CCDC146: variants seen among roughly 807,000 people sequenced by gnomAD.
The protein encoded by CCDC146 is coiled-coil domain-containing protein 146.
CCDC146 carries 92 observed loss-of-function variants against 119.3 expected under a neutral mutation model. That is an observed-to-expected ratio of 0.77 (90% CI 0.65 to 0.92). The LOEUF (loss-of-function observed/expected upper bound fraction) is 0.92, where lower values mean the gene tolerates loss of function less well. CCDC146 is among the 40% of genes least tolerant of loss of function. The pLI is 0.00. For synonymous variants in CCDC146, 372 were observed against 371.8 expected (o/e 1.00, Z -0.01); for missense variants, 1,000 against 1,103.0 (o/e 0.91, Z 1.32).
At chr7:77,172,298 T>C (rs1428800526) in intron 2 of CCDC146, among the ~76,000 whole-genome samples, 2 of 152,268 alleles carry the variant, frequency 1.3e-5, no homozygotes, top group African/African-American at 2.4e-5. Flanking sequence ...ACCTACTTTA[T>C]ATTCCTTCAG....
At chr7:77,152,655 A>G (rs1442214527) in intron 1 of CCDC146, among the ~76,000 whole-genome samples, 5 of 152,158 alleles carry the variant, frequency 3.3e-5, no homozygotes, top group Non-Finnish European at 7.3e-5. Flanking sequence ...GTGAGAACTG[A>G]AGATAAGGTC....
intron 15 of CCDC146, among the ~76,000 whole-genome samples, chr7:77,283,524 G>A (rs558577858): frequency 7.9e-5 from 12 of 151,900 alleles, no homozygotes; most frequent in South Asian, 4.2e-4. Flanking sequence ...TCAGGTTTGC[G>A]TTTGGATTTT....
intron 3 of CCDC146, among the ~76,000 whole-genome samples, chr7:77,237,603 C>T (rs1792762139): frequency 6.6e-6 from 1 of 152,204 alleles, no homozygotes; most frequent in Non-Finnish European, 1.5e-5. Flanking sequence ...GTCTGTTCAT[C>T]ACTCAGAGGT....
rs758544136 is a variant in CCDC146, at chr7:77,287,503, G to T, written c.2341G>T (p.Val781Phe). 2 of 1,614,052 alleles carry T rather than the reference G, an allele frequency of 1.2e-6. No individual in the cohort carries two copies. Among genetic ancestry groups the T allele is most frequent in the Admixed American group, 3.3e-5 (2 of 60,018 alleles). ...LLEKDFIYEQ[V>F]SRLTDRLCSK... is the part of the protein sequence containing the mutation. ...GGAGAAGGATTTCATCTATGAGCAG[G>T]TCTCCAGGCTCACAGACAGGCTCTG... Residue 781 changes from valine (V) to phenylalanine (F), a missense_variant, in exon 17 of 19, where the codon GTC (valine) becomes TTC (phenylalanine). By Grantham distance (50) the Val-to-Phe change is conservative. Around this residue, in one of 2 missense-constraint regions of CCDC146, gnomAD observed 985 missense variants for 1,045.3 expected, o/e 0.94. Coordinates refer to ENST00000285871, the MANE Select transcript of CCDC146 (RefSeq NM_020879.3).
chr7:77,138,103 A>C (rs1261107427), intron 1 of CCDC146, among the ~76,000 whole-genome samples: 1 of 151,852 alleles, frequency 6.6e-6, no homozygotes, highest in Non-Finnish European at 1.5e-5. Flanking sequence ...AGGAAGCTAT[A>C]AAGCTATAGT....
chr7:77,147,690 G>T (rs1418724750), intron 1 of CCDC146, among the ~76,000 whole-genome samples: 1 of 152,206 alleles, frequency 6.6e-6, no homozygotes, highest in African/African-American at 2.4e-5. Context: ...GACACTGTTT[G>T]CCTGGGTATC....
rs181238826 is a variant in CCDC146, at chr7:77,149,888, C to A, written c.-11-17770C>A. Among the ~76,000 whole-genome samples, 603 of 150,934 alleles carry A rather than the reference C, an allele frequency of 4.0e-3. 2 individuals carry two copies. The highest frequency in any genetic ancestry group is 0.014 in the African/African-American group (563 of 41,130). On this transcript the variant is annotated intron_variant, in intron 1 of 18. Coordinates refer to ENST00000285871, the MANE Select transcript of CCDC146 (RefSeq NM_020879.3). ...ATACATATGGAACAGAATAGAGTACCAAAATAGACCTACATATATTTGGTC... is the reference window on the plus strand; with the variant it reads ...ATACATATGGAACAGAATAGAGTACAAAAATAGACCTACATATATTTGGTC...
Position 77,293,173 on chromosome 7 carries a change from C to T in CCDC146, c.2637C>T (p.His879=), listed in dbSNP as rs17151219. ...WLKVLRDEEM[H]ALAIAEKSQE... is the part of the protein sequence containing the mutation. The stretch of plus-strand genomic sequence containing the variant: ...AAGTCCTTCGAGATGAAGAAATGCA[C>T]GCCTTGGCCATCGCTGAAAAGTCTC... Residue 879 remains histidine (H), a synonymous_variant, in exon 18 of 19, where the codon CAC becomes CAT. Coordinates refer to ENST00000285871, the MANE Select transcript of CCDC146 (RefSeq NM_020879.3). 0.19 allele frequency: 313,743 copies of T among 1,613,504 alleles called. 32,795 individuals carry two copies. The highest frequency in any genetic ancestry group is 0.37 in the African/African-American group (27,354 of 74,914).
rs746437114 is a variant in CCDC146, at chr7:77,294,862, T to C, written c.2864T>C (p.Ile955Thr). Reference sequence around the variant, plus strand: ...AAACCTGTTATAAAGCCAGTTGAAATCTGAATATGTGAACAAATCCAGGCC... The same window carrying C: ...AAACCTGTTATAAAGCCAGTTGAAACCTGAATATGTGAACAAATCCAGGCC... ...IRKPVIKPVE[I>T] Residue 955 changes from isoleucine (I) to threonine (T), a missense_variant, in exon 19 of 19, where the codon ATC becomes ACC. Ile to Thr is a moderately conservative substitution (Grantham distance 89, BLOSUM62 -1). Coordinates refer to ENST00000285871, the MANE Select transcript of CCDC146 (RefSeq NM_020879.3). 1.9e-6 allele frequency: 3 copies of C among 1,613,152 alleles called. No homozygotes were observed. The East Asian group carries it at 6.7e-5, about 36-fold the overall frequency.
chr7:77,272,393 T>C (rs1270077538), intron 9 of CCDC146, among the ~76,000 whole-genome samples: 3 of 152,186 alleles, frequency 2.0e-5, no homozygotes, highest in African/African-American at 2.4e-5. Flanking sequence ...TCATGGATGA[T>C]GGGGCATCCA....
chr7:77,283,459 C>T (rs1383845148), intron 15 of CCDC146, among the ~76,000 whole-genome samples: 3 of 151,998 alleles, frequency 2.0e-5, no homozygotes, highest in Non-Finnish European at 4.4e-5. Context: ...AAACTTGTTC[C>T]CATTGACCAA....
At chr7:77,132,401 C>G (rs910035060) in intron 1 of CCDC146, among the ~76,000 whole-genome samples, 3 of 151,624 alleles carry the variant, frequency 2.0e-5, no homozygotes, top group Non-Finnish European at 4.4e-5. Flanking sequence ...CTCTCGAATG[C>G]AAGATTAATT....
At chr7:77,177,888 A>G (rs572123697) in intron 2 of CCDC146, among the ~76,000 whole-genome samples, 5 of 152,328 alleles carry the variant, frequency 3.3e-5, no homozygotes, top group African/African-American at 9.6e-5. Context: ...AGTTTATTGA[A>G]CAGTACAGAT....
chr7:77,217,345 CACACATATGTATATA>C (rs1178255050), intron 2 of CCDC146, among the ~76,000 whole-genome samples: 2 of 151,724 alleles, frequency 1.3e-5, no homozygotes, highest in Non-Finnish European at 2.9e-5. Flanking sequence ...CACACACACA[CACACATATGTATATA>C]TATGTGTGTA....
chr7:77,236,092 A>AATAAATAAATAAATAT (rs1792731260), intron 2 of CCDC146, among the ~76,000 whole-genome samples: 1 of 151,686 alleles, frequency 6.6e-6, no homozygotes, highest in Non-Finnish European at 1.5e-5. Context: ...TAAATAAATA[A>AATAAATAAATAAATAT]ATGTAAGAAC....
intron 1 of CCDC146, among the ~76,000 whole-genome samples, chr7:77,142,338 A>C (rs1403650540): frequency 6.6e-6 from 1 of 150,418 alleles, no homozygotes; most frequent in African/African-American, 2.4e-5. Flanking sequence ...TTATTTATTT[A>C]TTTATATTAT....
At chr7:77,159,796 T>A (rs1791231509) in intron 1 of CCDC146, among the ~76,000 whole-genome samples, 1 of 152,194 alleles carries the variant, frequency 6.6e-6, no homozygotes, top group Non-Finnish European at 1.5e-5. Flanking sequence ...ACAATTACTA[T>A]CTTTTGTTGC....
Position 77,294,805 on chromosome 7 carries a change from G to A in CCDC146, c.2807G>A (p.Ser936Asn). ...PYGALAPFKPSEPGANMRHIR... is the reference protein window; with the variant it reads ...PYGALAPFKPNEPGANMRHIR... ...GGTGCTTTGGCTCCTTTTAAACCCA[G>A]TGAACCTGGAGCCAATATGAGGCAC... Residue 936 changes from serine to asparagine, a missense_variant, in exon 19 of 19, where the codon AGT (serine) becomes AAT (asparagine). Coordinates refer to ENST00000285871, the MANE Select transcript of CCDC146 (RefSeq NM_020879.3). 1 of 1,614,102 alleles carries A rather than the reference G, an allele frequency of 6.2e-7. No homozygotes were observed. Among genetic ancestry groups the A allele is most frequent in the Non-Finnish European group, 8.5e-7 (1 of 1,180,026 alleles).
At chr7:77,233,237 CG>C (rs766868062) in intron 2 of CCDC146, among the ~76,000 whole-genome samples, 5 of 151,986 alleles carry the variant, frequency 3.3e-5, no homozygotes, top group Admixed American at 6.6e-5. Context: ...TACAGGCATG[CG>C]CCACCATGCC....
Sources: gnomAD v4.1 joint callset for allele counts (sites outside exome capture counted in the v4.1 genomes callset) on GRCh38, gnomAD v4.1.1 for gene constraint, gnomAD v4.1.1 regional missense constraint, MANE v1.5 for transcripts, NCBI Gene and HGNC (gene_info 2026-07-23, HGNC 2026-07-21) for gene names.